RSPH14: variants seen among roughly 807,000 people sequenced by gnomAD.
RSPH14 encodes rhabdoid tumor deletion region gene 1.
Under a neutral mutation model 26.7 loss-of-function variants are expected in RSPH14, and 20 were observed. The observed-to-expected ratio is 0.75, with a 90% CI of 0.53 to 1.09. The LOEUF (loss-of-function observed/expected upper bound fraction) is 1.09. Among genes scored for constraint, RSPH14 ranks in the 50% least tolerant of loss-of-function variants. RSPH14 has a pLI of 0.00. For synonymous variants in RSPH14, 177 were observed against 189.3 expected (o/e 0.93, Z 0.53); for missense variants, 449 against 457.2 (o/e 0.98, Z 0.16).
At chr22:23,145,295 C>T, upstream of RSPH14, 2 of 1,445,478 alleles carry the variant, frequency 1.4e-6, no homozygotes, top group Non-Finnish European at 1.9e-6. Flanking sequence ...TGGTGATCTC[C>T]GGCTCTCCAG....
chr22:23,065,645 T>C (rs2068194380), intron 4 of RSPH14, among the ~76,000 whole-genome samples: 2 of 151,440 alleles, frequency 1.3e-5, no homozygotes. Flanking sequence ...CTAGTTTCCT[T>C]ATCACTGAAA....
At chr22:23,145,937 C>T, upstream of RSPH14, 1 of 980,548 alleles carries the variant, frequency 1.0e-6, no homozygotes, top group Non-Finnish European at 1.2e-6. Flanking sequence ...CCAGGCCCAC[C>T]TAGAGCCTTC....
chr22:23,175,461 C>T, the RSPH14 span, among the ~76,000 whole-genome samples: 2,382 of 152,076 alleles, frequency 0.016, 28 homozygotes, highest in Non-Finnish European at 0.025. Context: ...CTCCAGCCTC[C>T]GCCTCTGGAG....
intron 4 of RSPH14, among the ~76,000 whole-genome samples, chr22:23,130,147 GAA>G (rs1418096503): frequency 3.5e-4 from 42 of 120,790 alleles, no homozygotes; most frequent in South Asian, 8.3e-4. Flanking sequence ...AAGAAAGAAA[GAA>G]AGAAAGAAAG....
chr22:23,060,449 G>A (rs983812435), intron 6 of RSPH14, among the ~76,000 whole-genome samples: 9 of 150,102 alleles, frequency 6.0e-5, no homozygotes, highest in African/African-American at 1.2e-4. Context: ...CAGCCTGGGC[G>A]ACAGAGCGAG....
At chr22:23,131,742 A>G in intron 4 of RSPH14, 1 of 759,298 alleles carries the variant, frequency 1.3e-6, no homozygotes, top group South Asian at 1.4e-5. Flanking sequence ...GGATCACCCT[A>G]ATACCCCAGG....
chr22:23,102,075 A>G (rs961485658), intron 4 of RSPH14, among the ~76,000 whole-genome samples: 7 of 152,134 alleles, frequency 4.6e-5, no homozygotes, highest in African/African-American at 1.7e-4. Context: ...GGCCCCACCA[A>G]CACTTGTGAA....
chr22:23,162,218 C>T, the RSPH14 span: 51,309 of 205,194 alleles, frequency 0.25, 7,003 homozygotes, highest in East Asian at 0.36. Flanking sequence ...GGCTGAAGGG[C>T]TATCTCTGGC....
chr22:23,090,160 G>T (rs921098091), intron 4 of RSPH14, among the ~76,000 whole-genome samples: 6 of 152,104 alleles, frequency 3.9e-5, no homozygotes, highest in Non-Finnish European at 8.8e-5. Context: ...GCACAGCAGG[G>T]TCCTGTACCA....
At chr22:23,176,263 G>A in the RSPH14 span, among the ~76,000 whole-genome samples, 1 of 152,202 alleles carries the variant, frequency 6.6e-6, no homozygotes, top group Non-Finnish European at 1.5e-5. Flanking sequence ...GCTGGGTGTG[G>A]GGAGAGAAGC....
At chr22:23,063,459 G>A (rs931237356) in intron 5 of RSPH14, among the ~76,000 whole-genome samples, 2 of 152,342 alleles carry the variant, frequency 1.3e-5, no homozygotes, top group African/African-American at 2.4e-5. Context: ...GATGTAGACT[G>A]TGATCCTGTG....
chr22:23,146,121 T>G, upstream of RSPH14: 1 of 631,912 alleles, frequency 1.6e-6, no homozygotes, highest in Non-Finnish European at 2.0e-6. Flanking sequence ...GCAGGCCTGG[T>G]TCCCCCATAC....
In RSPH14 at chr22:23,095,538, G is replaced by A. The variant is rs137980658; in HGVS notation, c.422-31405C>T. ...CATGCCGGCTGGAGAAGAGGCGCTG[G>A]GGCAGGGGCTGCAGTGTGGCTCGGC... is the stretch of plus-strand genomic sequence containing the variant. On this transcript the variant is annotated intron_variant, in intron 4 of 6. Transcript: ENST00000216036. 130 of 757,580 alleles carry A rather than the reference G, an allele frequency of 1.7e-4. 1 individual carries two copies. The African/African-American group carries it at 2.1e-3, about 12-fold the overall frequency. The allele number at this position is 757,580 out of a possible 1,614,324, so 46.9% of individuals were successfully genotyped here.
chr22:23,091,166 G>A (rs2068960936), intron 4 of RSPH14, among the ~76,000 whole-genome samples: 1 of 152,202 alleles, frequency 6.6e-6, no homozygotes, highest in Non-Finnish European at 1.5e-5. Flanking sequence ...ACCCAAAGAT[G>A]TGTACATGGA....
chr22:23,167,075 C>T, the RSPH14 span, among the ~76,000 whole-genome samples: 1 of 152,072 alleles, frequency 6.6e-6, no homozygotes, highest in Non-Finnish European at 1.5e-5. Flanking sequence ...CACACCTGAG[C>T]ACCTCCTCCT....
chr22:23,081,909 A>AG (rs1362807304), intron 4 of RSPH14, among the ~76,000 whole-genome samples: 2 of 150,250 alleles, frequency 1.3e-5, no homozygotes, highest in African/African-American at 4.9e-5. Context: ...GCGGATCACG[A>AG]GGTCAGGAGA....
chr22:23,067,600 G>A (rs1295746311), intron 4 of RSPH14, among the ~76,000 whole-genome samples: 2 of 152,224 alleles, frequency 1.3e-5, no homozygotes, highest in African/African-American at 4.8e-5. Context: ...TCGGCTTCCA[G>A]GTAGCTGGGA....
chr22:23,122,617 A>T, intron 4 of RSPH14: 1 of 167,902 alleles, frequency 6.0e-6, no homozygotes, highest in Admixed American at 5.5e-5. Flanking sequence ...GCCAGAACCC[A>T]GATAGGGCAC....
At chr22:23,130,512 G>GAAAGA (rs1555939832) in intron 4 of RSPH14, among the ~76,000 whole-genome samples, 2 of 149,492 alleles carry the variant, frequency 1.3e-5, no homozygotes, top group Non-Finnish European at 3.0e-5. Flanking sequence ...AAGAAAGAAA[G>GAAAGA]AAAGAAAGAA....
Sources: gnomAD v4.1 joint callset for allele counts (sites outside exome capture counted in the v4.1 genomes callset) on GRCh38, gnomAD v4.1.1 for gene constraint, MANE v1.5 for transcripts, NCBI Gene and HGNC (gene_info 2026-07-23, HGNC 2026-07-21) for gene names.